The following CNTN4 variants were observed in gnomAD, a reference collection of about 807,000 sequenced individuals.
The protein encoded by CNTN4 is contactin-4.
In CNTN4, 77 loss-of-function variants were observed where a neutral mutation model predicts 122.5. The observed-to-expected ratio is 0.63, with a 90% confidence interval of 0.52 to 0.76. The LOEUF is 0.76. CNTN4 is among the 30% of genes least tolerant of loss of function. The pLI, the probability that CNTN4 is intolerant of heterozygous loss-of-function variation, is 0.00. For synonymous variants in CNTN4, 512 were observed against 447.0 expected, an observed-to-expected ratio of 1.15 and a Z score of -1.83; for missense variants, 1,256 against 1,259.1, an observed-to-expected ratio of 1.00 and a Z score of 0.04.
At chr3:2,116,985 T>G (rs1046381922) in intron 2 of CNTN4, among the ~76,000 whole-genome samples, 5 of 152,094 alleles carry the variant, frequency 3.3e-5, no homozygotes, top group Non-Finnish European at 7.4e-5. Flanking sequence ...CACCCACACA[T>G]CAAGCAAGCA....
chr3:2,916,777 C>G (rs979493610), intron 12 of CNTN4, among the ~76,000 whole-genome samples: 2 of 149,654 alleles, frequency 1.3e-5, no homozygotes, highest in Non-Finnish European at 3.0e-5. Context: ...GTAGGGGCGG[C>G]CGGGCAGAGG....
intron 2 of CNTN4, among the ~76,000 whole-genome samples, chr3:2,243,219 A>G (rs745914409): frequency 6.6e-6 from 1 of 152,160 alleles, no homozygotes; most frequent in Non-Finnish European, 1.5e-5. Context: ...TAGCTCTTTG[A>G]AGACTTCCCT....
chr3:2,992,580 G>A (rs1223068911), intron 14 of CNTN4, among the ~76,000 whole-genome samples: 6 of 152,090 alleles, frequency 3.9e-5, no homozygotes, highest in African/African-American at 1.4e-4. Context: ...TGCTATACAG[G>A]TTTCATATGA....
intron 6 of CNTN4, among the ~76,000 whole-genome samples, chr3:2,777,056 C>G (rs2091351612): frequency 6.6e-6 from 1 of 152,266 alleles, no homozygotes; most frequent in Non-Finnish European, 1.5e-5. Flanking sequence ...TCTTGGTTCA[C>G]TGCAACCTCT....
At chr3:2,331,666 G>A (rs959577878) in intron 2 of CNTN4, among the ~76,000 whole-genome samples, 1 of 152,068 alleles carries the variant, frequency 6.6e-6, no homozygotes. Flanking sequence ...TAAGGAACTC[G>A]GGAATGGCCA....
rs547328406 is a variant in CNTN4 at position 2,627,736 on chromosome 3, G to C, written c.55+56178G>C. 2.8e-3 allele frequency among the ~76,000 whole-genome samples: 424 copies of C among 152,074 alleles called. 5 individuals carry two copies. The highest frequency in any genetic ancestry group is 0.023 in the South Asian group (112 of 4,808). ...TCTCGATCTCCTGACCTTGTGATCT[G>C]CCCGCCTCGGCCTCCCAAAGTGCTG... On this transcript the variant is annotated intron_variant, in intron 4 of 24. Transcript: ENST00000418658.
intron 4 of CNTN4, among the ~76,000 whole-genome samples, chr3:2,671,149 G>T (rs1449672203): frequency 6.6e-6 from 1 of 152,188 alleles, no homozygotes; most frequent in African/African-American, 2.4e-5. Context: ...TGCCTTGCTA[G>T]ATTGGGGAAG....
intron 14 of CNTN4, among the ~76,000 whole-genome samples, chr3:3,017,620 C>T (rs147717689): frequency 6.6e-6 from 1 of 152,116 alleles, no homozygotes; most frequent in African/African-American, 2.4e-5. Flanking sequence ...GGCCACCCCC[C>T]AAAAAGAGTC....
At chr3:2,226,955 G>A (rs2039307832) in intron 2 of CNTN4, among the ~76,000 whole-genome samples, 1 of 152,082 alleles carries the variant, frequency 6.6e-6, no homozygotes, top group African/African-American at 2.4e-5. Flanking sequence ...AAGAAATTGA[G>A]GCACAGAGTG....
Position 2,616,701 on chromosome 3 carries a change from G to T in CNTN4, c.55+45143G>T, listed in dbSNP as rs555598307. ...TGTCATGAGATGGTCTAAGAAAAAA[G>T]AACAAAGCTGGAGGCATCGTGCTCC... On this transcript the variant is annotated intron_variant, in intron 4 of 24. Transcript: ENST00000418658. Among the ~76,000 whole-genome samples the T allele has an allele frequency of 3.9e-5, 6 of 152,220 alleles. 1 individual carries two copies. The South Asian group carries it at 1.2e-3, about 32-fold the overall frequency.
chr3:2,163,824 T>A (rs570393836), intron 2 of CNTN4, among the ~76,000 whole-genome samples: 37 of 152,180 alleles, frequency 2.4e-4, no homozygotes, highest in African/African-American at 7.2e-4. Flanking sequence ...AAAATGACTG[T>A]TATTAAAAAG....
At chr3:2,240,849 G>T (rs1357413713) in intron 2 of CNTN4, among the ~76,000 whole-genome samples, 2 of 151,984 alleles carry the variant, frequency 1.3e-5, no homozygotes, top group Non-Finnish European at 2.9e-5. Context: ...TTCACAGGGA[G>T]TTTTTTCCTG....
intron 4 of CNTN4, among the ~76,000 whole-genome samples, chr3:2,594,529 C>T (rs1449056287): frequency 6.6e-6 from 1 of 151,352 alleles, no homozygotes; most frequent in East Asian, 1.9e-4. Flanking sequence ...AGCAATTCTC[C>T]TGCCTCAGCC....
At chr3:3,003,442 T>C (rs1574784007) in intron 14 of CNTN4, among the ~76,000 whole-genome samples, 1 of 152,178 alleles carries the variant, frequency 6.6e-6, no homozygotes, top group East Asian at 1.9e-4. Flanking sequence ...ATGCTATTGA[T>C]ATGTGGATGA....
At chr3:2,271,422 G>A (rs1177970738) in intron 2 of CNTN4, among the ~76,000 whole-genome samples, 2 of 151,992 alleles carry the variant, frequency 1.3e-5, no homozygotes, top group Non-Finnish European at 2.9e-5. Context: ...TTCTGTCTCC[G>A]TAGTAACCTG....
At chr3:2,492,066 A>C (rs2151674221) in intron 3 of CNTN4, among the ~76,000 whole-genome samples, 1 of 152,288 alleles carries the variant, frequency 6.6e-6, no homozygotes, top group African/African-American at 2.4e-5. Flanking sequence ...AAATCTATGC[A>C]CCTTTCTGCA....
intron 2 of CNTN4, among the ~76,000 whole-genome samples, chr3:2,143,129 T>C (rs991770072): frequency 1.1e-4 from 17 of 152,222 alleles, no homozygotes; most frequent in African/African-American, 3.9e-4. Flanking sequence ...TTGCTGACCA[T>C]TTCATGATTT....
intron 2 of CNTN4, among the ~76,000 whole-genome samples, chr3:2,122,027 C>A (rs1378436986): frequency 7.0e-6 from 1 of 143,288 alleles, no homozygotes; most frequent in Non-Finnish European, 1.6e-5. Flanking sequence ...GTGGTGGCGG[C>A]GCCTGTAGTC....
chr3:2,845,094 G>A (rs1370439021), intron 7 of CNTN4, among the ~76,000 whole-genome samples: 3 of 151,994 alleles, frequency 2.0e-5, no homozygotes, highest in African/African-American at 4.8e-5. Flanking sequence ...TGTCATTTCC[G>A]CAAAAACTAG....
Sources: gnomAD v4.1 joint callset for allele counts (sites outside exome capture counted in the v4.1 genomes callset) on GRCh38, gnomAD v4.1.1 for gene constraint, MANE v1.5 for transcripts, NCBI Gene and HGNC (gene_info 2026-07-23, HGNC 2026-07-21) for gene names.